The following CENPB variants were observed in gnomAD, a reference collection of about 807,000 sequenced individuals.
CENPB encodes the protein centromere protein B, also known as major centromere autoantigen B.
A neutral mutation model predicts 41.9 loss-of-function variants in CENPB; 19 were observed. The ratio of observed to expected loss-of-function variants is 0.45; its 90% CI spans 0.32 to 0.67. The LOEUF (loss-of-function observed/expected upper bound fraction) is 0.67. CENPB is among the 30% of genes least tolerant of loss of function. The probability of loss-of-function intolerance (pLI) is 0.04; values close to 1 mark genes in which losing one functional copy is unlikely to be tolerated. For missense variants in CENPB, 614 were observed against 816.2 expected, an observed-to-expected ratio of 0.75 and a Z score of 3.02; for synonymous variants, 399 against 354.4, an observed-to-expected ratio of 1.13 and a Z score of -1.41.
In CENPB at chr20:3,785,727, C is replaced by G. The variant is rs747225829; in HGVS notation, c.757G>C (p.Gly253Arg). The change falls in exon 1 of 1, where the codon GGC becomes CGC. Residue 253 changes from glycine to arginine, a missense_variant. Around this residue, in one of 2 missense-constraint regions of CENPB, gnomAD observed 537 missense variants for 629.4 expected, o/e 0.85. Coordinates refer to ENST00000379751, the MANE Select transcript of CENPB (RefSeq NM_001810.6). ...VAGKSAKPRA[G>R]QAGLPCDYTA... is the part of the protein sequence containing the mutation. ...TAGTCGCAGGGCAGGCCGGCTTGGC[C>G]TGCGCGGGGCTTGGCCGACTTGCCG... 14 of 1,606,240 alleles carry G rather than the reference C, an allele frequency of 8.7e-6. No homozygotes were observed. The South Asian group carries it at 1.4e-4, about 16-fold the overall frequency.
Position 3,783,961 on chromosome 20 carries a change from T to A in CENPB, c.*723A>T, listed in dbSNP as rs1479828193. 1 of 152,446 alleles carries A rather than the reference T, an allele frequency of 6.6e-6. No homozygotes were observed. Among genetic ancestry groups the A allele is most frequent in the African/African-American group, 2.4e-5 (1 of 41,458 alleles). 9.4% of individuals were successfully genotyped at this position (152,446 alleles called of 1,614,324 possible). On this transcript the variant is annotated 3_prime_UTR_variant, in exon 1 of 1. Transcript: ENST00000379751. The surrounding 1 kb of genome is among the most constrained non-coding windows in gnomAD (Gnocchi z 4.2). ...GACTCTGGGCCCAGCCCCAGGCCCC[T>A]CTGCCCAGGATGGGGCCCTGCCAGA...
Position 3,785,805 on chromosome 20 carries a change from C to T in CENPB, c.679G>A (p.Val227Ile). ...CCGTCGGCATTGGCGCATAGCAGGA[C>T]GCTCAGGCGCTGGGTGGCTTGACGC... ...RPRQATQRLSVLLCANADGSE... is the reference protein window; with the variant it reads ...RPRQATQRLSILLCANADGSE... Residue 227 changes from valine to isoleucine, a missense_variant, in exon 1 of 1, where the codon GTC becomes ATC. Transcript: ENST00000379751. The T allele has an allele frequency of 1.2e-6, 2 of 1,609,548 alleles. No homozygotes were observed. The highest frequency in any genetic ancestry group is 1.7e-6 in the Non-Finnish European group (2 of 1,178,202).
At position 3,786,042 on chromosome 20, in the gene CENPB, G is replaced by T; in HGVS notation, c.442C>A (p.Pro148Thr). Residue 148 changes from proline to threonine, a missense_variant, in exon 1 of 1, where the codon CCC (proline) becomes ACC (threonine). This residue lies in a region of CENPB where 537 missense variants were observed against 629.4 expected (regional missense o/e 0.85). Coordinates refer to ENST00000379751, the MANE Select transcript of CENPB (RefSeq NM_001810.6). ...VARARARNAAPRTPAAPASPA... is the reference protein window; with the variant it reads ...VARARARNAATRTPAAPASPA... ...CTGGCAGGCGCCGCCGGGGTGCGGGGGGCAGCGTTTCGCGCGCGGGCGCGG... is the reference window on the plus strand; with the variant it reads ...CTGGCAGGCGCCGCCGGGGTGCGGGTGGCAGCGTTTCGCGCGCGGGCGCGG... 1.4e-6 allele frequency: 2 copies of T among 1,479,938 alleles called. No homozygotes were observed. Among genetic ancestry groups the T allele is most frequent in the Non-Finnish European group, 1.8e-6 (2 of 1,129,428 alleles). 91.7% of individuals were successfully genotyped at this position (1,479,938 alleles called of 1,614,324 possible). A position where few individuals can be genotyped will look rare whatever the true frequency, so the allele number is the denominator to read the frequency against.
At position 3,786,043 on chromosome 20, in the gene CENPB, G is replaced by T; in HGVS notation, c.441C>A (p.Ala147=). 1 of 1,481,580 alleles carries T rather than the reference G, an allele frequency of 6.7e-7. No individual in the cohort carries two copies. Among genetic ancestry groups the T allele is most frequent in the Non-Finnish European group, 8.8e-7 (1 of 1,130,310 alleles). 91.8% of individuals were successfully genotyped at this position (1,481,580 alleles called of 1,614,324 possible). A position where few individuals can be genotyped will look rare whatever the true frequency, so the allele number is the denominator to read the frequency against. ...GVARARARNA[A]PRTPAAPASP... is the part of the protein sequence containing the mutation. Reference sequence around the variant, plus strand: ...TGGCAGGCGCCGCCGGGGTGCGGGGGGCAGCGTTTCGCGCGCGGGCGCGGG... The same window carrying T: ...TGGCAGGCGCCGCCGGGGTGCGGGGTGCAGCGTTTCGCGCGCGGGCGCGGG... The change falls in exon 1 of 1, where the codon GCC becomes GCA. Residue 147 remains alanine (A), a synonymous_variant. Transcript: ENST00000379751.
chr20:3,786,200 A>G lies in CENPB; in HGVS notation c.284T>C (p.Val95Ala). Residue 95 changes from valine to alanine, a missense_variant, in exon 1 of 1, where the codon GTC becomes GCC. Transcript: ENST00000379751. ...CTTCTCCTTGAGGATGATGCCCTTG[A>G]CCGGCAGGCCGGCGGCGCGGATCTG... ...FQQIRAAGLP[V>A]KGIILKEKAL... 1 of 1,601,112 alleles carries G rather than the reference A, an allele frequency of 6.2e-7. No homozygotes were observed. The highest frequency in any genetic ancestry group is 8.5e-7 in the Non-Finnish European group (1 of 1,179,362).
Position 3,786,252 on chromosome 20 carries a change from C to A in CENPB, c.232G>T (p.Glu78Ter). Residue 78 changes from glutamate (E) to a stop codon, truncating the protein, a stop_gained, in exon 1 of 1, where the codon GAG becomes TAG. Transcript: ENST00000379751. LOFTEE classifies it high-confidence loss of function. The part of the protein sequence containing the change: ...TNKLSPYDKL[E>*]GLLIAWFQQI... ...TGGAACCAGGCGATGAGCAAGCCCT[C>A]GAGCTTGTCGTAGGGAGACAGCTTG... 1 of 1,605,140 alleles carries A rather than the reference C, an allele frequency of 6.2e-7. No homozygotes were observed. Among genetic ancestry groups the A allele is most frequent in the Non-Finnish European group, 8.5e-7 (1 of 1,178,996 alleles).
In CENPB at chr20:3,785,403, G is replaced by C; in HGVS notation, c.1081C>G (p.Leu361Val). Residue 361 changes from leucine (L) to valine (V), a missense_variant, in exon 1 of 1, where the codon CTC becomes GTC. Leu to Val is a conservative substitution (Grantham distance 32). Coordinates refer to ENST00000379751, the MANE Select transcript of CENPB (RefSeq NM_001810.6). Reference protein sequence around the residue: ...GQDPSGLQLGLTEALHFVAAA... With the variant: ...GQDPSGLQLGVTEALHFVAAA... ...GCCACAAAGTGCAGGGCCTCCGTGA[G>C]ACCCAGCTGCAGGCCTGAGGGATCC... The C allele has an allele frequency of 6.3e-7, 1 of 1,599,934 alleles. No homozygotes were observed. Among genetic ancestry groups the C allele is most frequent in the Non-Finnish European group, 8.5e-7 (1 of 1,173,948 alleles).
At position 3,785,141 on chromosome 20, in the gene CENPB, A is replaced by C. The variant is rs1327602524; in HGVS notation, c.1343T>G (p.Val448Gly). Residue 448 changes from valine to glycine, a missense_variant, in exon 1 of 1, where the codon GTG becomes GGG. Around this residue, in one of 2 missense-constraint regions of CENPB, gnomAD observed 537 missense variants for 629.4 expected, o/e 0.85. Coordinates refer to ENST00000379751, the MANE Select transcript of CENPB (RefSeq NM_001810.6). ...EGEELGEEEE[V>G]EEEGDVDSDE... is the part of the protein sequence containing the mutation. ...ACTATCAACATCACCCTCCTCCTCCACCTCCTCTTCCTCCCCCAATTCCTC... is the reference window on the plus strand; with the variant it reads ...ACTATCAACATCACCCTCCTCCTCCCCCTCCTCTTCCTCCCCCAATTCCTC... 1.2e-4 allele frequency: 172 copies of C among 1,416,256 alleles called. No individual in the cohort carries two copies. The highest frequency in any genetic ancestry group is 6.9e-4 in the African/African-American group (38 of 54,772). 87.7% of individuals were successfully genotyped at this position (1,416,256 alleles called of 1,614,324 possible).
chr20:3,786,370 C>T lies in CENPB; in HGVS notation c.114G>A (p.Pro38=). ...KGEIARRFNI[P]PSTLSTILKN... is the part of the protein sequence containing the mutation. ...TCAGGATCGTGCTCAGCGTGGACGG[C>T]GGGATGTTGAAGCGCCGCGCGATCT... The change falls in exon 1 of 1, where the codon CCG becomes CCA. Residue 38 remains proline, a synonymous_variant. Transcript: ENST00000379751. The T allele has an allele frequency of 6.2e-7, 1 of 1,604,786 alleles. No individual in the cohort carries two copies. Among genetic ancestry groups the T allele is most frequent in the Non-Finnish European group, 8.5e-7 (1 of 1,179,560 alleles).
chr20:3,786,556 G>A lies in CENPB; in HGVS notation c.-73C>T. On this transcript the variant is annotated 5_prime_UTR_variant, in exon 1 of 1. Transcript: ENST00000379751. Reference sequence around the variant, plus strand: ...GGGGCGGGGGGCCCGGGCCCGTGGCGGGGGGCACCTGGCGGCCTCTCCCGC... The same window carrying A: ...GGGGCGGGGGGCCCGGGCCCGTGGCAGGGGGCACCTGGCGGCCTCTCCCGC... 7 of 384,300 alleles carry A rather than the reference G, an allele frequency of 1.8e-5. No homozygotes were observed. The highest frequency in any genetic ancestry group is 1.0e-4 in the South Asian group (1 of 9,908). 23.8% of individuals were successfully genotyped at this position (384,300 alleles called of 1,614,324 possible).
chr20:3,784,628 T>G lies in CENPB; in HGVS notation c.*56A>C. On this transcript the variant is annotated 3_prime_UTR_variant, in exon 1 of 1. Coordinates refer to ENST00000379751, the MANE Select transcript of CENPB (RefSeq NM_001810.6). The surrounding 1 kb of genome is among the most constrained non-coding windows in gnomAD (Gnocchi z 5.2). ...TGCACAGCGGGTGCCCAGAGAGTCC[T>G]CTGCCCTGGGGTGGTGCTGCCAATC... is the stretch of plus-strand genomic sequence containing the variant. The G allele has an allele frequency of 6.3e-7, 1 of 1,584,138 alleles. No individual in the cohort carries two copies.
At position 3,784,546 on chromosome 20, in the gene CENPB, G is replaced by C. The variant is rs2088800621; in HGVS notation, c.*138C>G. Reference sequence around the variant, plus strand: ...GGGCCCGGCCGAGGTGACCGGGCCTGTTGCAGGACCAGGGGAAGCATTACT... The same window carrying C: ...GGGCCCGGCCGAGGTGACCGGGCCTCTTGCAGGACCAGGGGAAGCATTACT... On this transcript the variant is annotated 3_prime_UTR_variant, in exon 1 of 1. Transcript: ENST00000379751. The surrounding 1 kb of genome is among the most constrained non-coding windows in gnomAD (Gnocchi z 5.2). 4 of 1,040,906 alleles carry C rather than the reference G, an allele frequency of 3.8e-6. No individual in the cohort carries two copies. In the Admixed American group the frequency reaches 6.9e-5, roughly 18 times the overall value. The allele number at this position is 1,040,906 out of a possible 1,614,324, so 64.5% of individuals were successfully genotyped here.
Position 3,785,575 on chromosome 20 carries a change from G to A in CENPB, c.909C>T (p.Ser303=). Residue 303 remains serine (S), a synonymous_variant, in exon 1 of 1, where the codon TCC becomes TCT. Transcript: ENST00000379751. ...CATGCCGCAGGCCCGAGGTGTCCAA[G>A]GACTGGGCAGCCAAGCGGCCGGCCA... The part of the protein sequence containing the change: ...LLLAGRLAAQ[S]LDTSGLRHVQ... 6.2e-7 allele frequency: 1 copy of A among 1,601,248 alleles called. No homozygotes were observed. Among genetic ancestry groups the A allele is most frequent in the South Asian group, 1.1e-5 (1 of 89,402 alleles).
Position 3,783,855 on chromosome 20 carries a change from C to T in CENPB, c.*829G>A. 1 of 152,426 alleles carries T rather than the reference C, an allele frequency of 6.6e-6. No homozygotes were observed. Among genetic ancestry groups the T allele is most frequent in the Non-Finnish European group, 1.5e-5 (1 of 68,080 alleles). 9.4% of individuals were successfully genotyped at this position (152,426 alleles called of 1,614,324 possible). A position where few individuals can be genotyped will look rare whatever the true frequency, so the allele number is the denominator to read the frequency against. On this transcript the variant is annotated 3_prime_UTR_variant, in exon 1 of 1. Transcript: ENST00000379751. The surrounding 1 kb of genome is among the most constrained non-coding windows in gnomAD (Gnocchi z 4.2). The stretch of plus-strand genomic sequence containing the variant: ...CAGACCATGAAGGATGCACCCTTGG[C>T]TGTTAAAACGTTCACCCCCACAAAA...
Position 3,786,065 on chromosome 20 carries a change from C to CGGGCCACGCCGCTGCAGG in CENPB, c.401_418dup (p.Ala139_Arg140insProCysSerGlyValAla), listed in dbSNP as rs2088821543. 2.6e-6 allele frequency: 4 copies of CGGGCCACGCCGCTGCAGG among 1,540,088 alleles called. No individual in the cohort carries two copies. The highest frequency in any genetic ancestry group is 1.2e-5 in the South Asian group (1 of 85,064). On this transcript the variant is annotated inframe_insertion, in exon 1 of 1. Coordinates refer to ENST00000379751, the MANE Select transcript of CENPB (RefSeq NM_001810.6). The stretch of plus-strand genomic sequence containing the variant: ...GGGGGCAGCGTTTCGCGCGCGGGCG[C>CGGGCCACGCCGCTGCAGG]GGGCCACGCCGCTGCAGGACACCAC...
chr20:3,785,091 C>T lies in CENPB; in HGVS notation c.1393G>A (p.Glu465Lys). 1 of 1,611,992 alleles carries T rather than the reference C, an allele frequency of 6.2e-7. No individual in the cohort carries two copies. The highest frequency in any genetic ancestry group is 8.5e-7 in the Non-Finnish European group (1 of 1,179,042). Residue 465 changes from glutamate (E) to lysine (K), a missense_variant, in exon 1 of 1, where the codon GAG becomes AAG. By Grantham distance (56) the Glu-to-Lys change is moderately conservative. This residue lies in a region of CENPB where 537 missense variants were observed against 629.4 expected (regional missense o/e 0.85). Transcript: ENST00000379751. Reference protein sequence around the residue: ...DSDEEEEEDEESSSEGLEAED... With the variant: ...DSDEEEEEDEKSSSEGLEAED... ...GCCTCCAAGCCCTCCGAGGAGCTCTCCTCATCTTCCTCCTCTTCTTCATCA... is the reference window on the plus strand; with the variant it reads ...GCCTCCAAGCCCTCCGAGGAGCTCTTCTCATCTTCCTCCTCTTCTTCATCA...
Position 3,786,301 on chromosome 20 carries a change from C to A in CENPB, c.183G>T (p.Val61=). ...TGTTGGTCTTGCGGCAGGTGGAGGC[C>A]ACCCCGTACTTGCGCTCCGACGCCA... is the stretch of plus-strand genomic sequence containing the variant. ...AILASERKYG[V]ASTCRKTNKL... The change falls in exon 1 of 1, where the codon GTG becomes GTT. Residue 61 remains valine, a synonymous_variant. Transcript: ENST00000379751. The A allele has an allele frequency of 6.2e-7, 1 of 1,607,538 alleles. No homozygotes were observed. The highest frequency in any genetic ancestry group is 1.1e-5 in the South Asian group (1 of 91,086).
chr20:3,786,563 ACCTGGCGGCCTCTCCC>A lies in CENPB; in HGVS notation c.-96_-81del. 1 of 337,810 alleles carries A rather than the reference ACCTGGCGGCCTCTCCC, an allele frequency of 3.0e-6. No individual in the cohort carries two copies. Among genetic ancestry groups the A allele is most frequent in the Non-Finnish European group, 4.1e-6 (1 of 246,254 alleles). The allele number at this position is 337,810 out of a possible 1,614,324, so 20.9% of individuals were successfully genotyped here. A position where few individuals can be genotyped will look rare whatever the true frequency, so the allele number is the denominator to read the frequency against. On this transcript the variant is annotated 5_prime_UTR_variant, in exon 1 of 1. Coordinates refer to ENST00000379751, the MANE Select transcript of CENPB (RefSeq NM_001810.6). ...GGGGCCCGGGCCCGTGGCGGGGGGC[ACCTGGCGGCCTCTCCC>A]GCGCGCCCCGCCCGAGACAAAGCGG...
In CENPB at chr20:3,785,272, C is replaced by T; in HGVS notation, c.1212G>A (p.Glu404=). The change falls in exon 1 of 1, where the codon GAG becomes GAA. Residue 404 remains glutamate (E), a synonymous_variant. Coordinates refer to ENST00000379751, the MANE Select transcript of CENPB (RefSeq NM_001810.6). ...NATITTSLKS[E]GEEEEEEEEE... The stretch of plus-strand genomic sequence containing the variant: ...CCTCCTCCTCCTCCTCTTCCTCTCC[C>T]TCACTCTTGAGGGAAGTGGTGATGG... The T allele has an allele frequency of 6.3e-7, 1 of 1,585,106 alleles. No individual in the cohort carries two copies.
Sources: gnomAD v4.1 joint callset for allele counts on GRCh38, gnomAD v4.1.1 for gene constraint, gnomAD v4.1.1 regional missense constraint, Gnocchi (gnomAD v3.1) non-coding constraint, MANE v1.5 for transcripts, NCBI Gene and HGNC (gene_info 2026-07-23, HGNC 2026-07-21) for gene names.